Variants in FOXP1 observed in about 807,000 individuals in gnomAD.
FOXP1 encodes forkhead box protein P1.
A neutral mutation model predicts 98.2 loss-of-function variants in FOXP1; 15 were observed. The observed-to-expected ratio is 0.15, with a 90% CI of 0.10 to 0.24. FOXP1 has a LOEUF of 0.24. Among genes scored for constraint, FOXP1 ranks in the 10% least tolerant of loss-of-function variants. The pLI is 1.00. For synonymous variants in FOXP1, 371 were observed against 314.5 expected (o/e 1.18, Z -1.90); for missense variants, 633 against 848.5 (o/e 0.75, Z 3.15).
intron 7 of FOXP1, among the ~76,000 whole-genome samples, chr3:71,099,873 G>C (rs764523438): frequency 1.3e-5 from 2 of 152,144 alleles, no homozygotes; most frequent in Non-Finnish European, 2.9e-5. Context: ...TGGCTTTAAA[G>C]GACAAATCAC....
Position 71,576,764 on chromosome 3 carries a change from C to T in FOXP1, c.-298+4785G>A, listed in dbSNP as rs550221375. On this transcript the variant is annotated intron_variant, in intron 2 of 20. Coordinates refer to ENST00000649528, the MANE Select transcript of FOXP1 (RefSeq NM_001349338.3). ...TCATGGCACTAAACTGAGCCCCCCT[C>T]CCCTCCTTTTGAAATAAAACAGCTT... 1.3e-4 allele frequency among the ~76,000 whole-genome samples: 20 copies of T among 152,268 alleles called. No homozygotes were observed. In the South Asian group the frequency reaches 3.3e-3, roughly 25 times the overall value.
At chr3:71,186,978 A>C (rs1007684460) in intron 6 of FOXP1, among the ~76,000 whole-genome samples, 6 of 152,232 alleles carry the variant, frequency 3.9e-5, no homozygotes. Context: ...GCATGAACGC[A>C]GTTATAGGCA....
intron 3 of FOXP1, among the ~76,000 whole-genome samples, chr3:71,380,563 G>A (rs552220163): frequency 2.6e-5 from 4 of 152,268 alleles, no homozygotes; most frequent in Admixed American, 6.5e-5. Flanking sequence ...CATTGAGCAC[G>A]AAACATTTTC....
chr3:71,354,894 A>C (rs574181256), intron 4 of FOXP1, among the ~76,000 whole-genome samples: 2 of 152,326 alleles, frequency 1.3e-5, no homozygotes, highest in South Asian at 4.1e-4. Context: ...AGAGAAAATA[A>C]TTTGTCCAAA....
At chr3:71,232,871 CTG>C (rs1269857554) in intron 5 of FOXP1, among the ~76,000 whole-genome samples, 1 of 10,124 alleles carries the variant, frequency 9.9e-5, no homozygotes, top group East Asian at 8.9e-3. Flanking sequence ...GAGCAAAACT[CTG>C]TCTCAAAAAA....
intron 3 of FOXP1, among the ~76,000 whole-genome samples, chr3:71,371,843 T>C (rs1366321809): frequency 6.6e-6 from 1 of 151,980 alleles, no homozygotes; most frequent in East Asian, 1.9e-4. Context: ...CACACCATCC[T>C]CACTCCCTAC....
chr3:71,157,734 T>C (rs935721077), intron 6 of FOXP1, among the ~76,000 whole-genome samples: 1 of 152,140 alleles, frequency 6.6e-6, no homozygotes, highest in East Asian at 1.9e-4. Flanking sequence ...AGGCTAGTGA[T>C]ACAAAGTTGG....
rs150615993 is a variant in FOXP1, at chr3:71,411,165, C to T, written c.-167-51921G>A. 7.9e-5 allele frequency among the ~76,000 whole-genome samples: 12 copies of T among 152,244 alleles called. No individual in the cohort carries two copies. The East Asian group carries it at 1.4e-3, about 17-fold the overall frequency. ...CTTTGACATCACACAATATATAGGA[C>T]GTCTACAAATTTGTAACCCCTAGCT... On this transcript the variant is annotated intron_variant, in intron 3 of 20. Coordinates refer to ENST00000649528, the MANE Select transcript of FOXP1 (RefSeq NM_001349338.3).
At chr3:71,314,506 G>T (rs1411486304) in intron 4 of FOXP1, among the ~76,000 whole-genome samples, 1 of 148,366 alleles carries the variant, frequency 6.7e-6, no homozygotes, top group Non-Finnish European at 1.5e-5. Context: ...CCAGCCTGGT[G>T]ACAGAGTAAG....
intron 5 of FOXP1, among the ~76,000 whole-genome samples, chr3:71,267,124 A>AGAGAGTGTGT (rs142661368): frequency 1.4e-3 from 209 of 148,410 alleles, no homozygotes; most frequent in African/African-American, 3.6e-3. Context: ...TATGGGAGAG[A>AGAGAGTGTGT]GTGTGTGTGT....
intron 5 of FOXP1, among the ~76,000 whole-genome samples, chr3:71,265,743 C>T (rs568569067): frequency 1.6e-4 from 24 of 152,250 alleles, no homozygotes; most frequent in Admixed American, 1.2e-3. Flanking sequence ...GCACATGACG[C>T]GCTGGACCGA....
rs565668670 is a variant in FOXP1, at chr3:71,108,867, G to GT, written c.282+3668dup. Among the ~76,000 whole-genome samples, 255 of 152,326 alleles carry GT rather than the reference G, an allele frequency of 1.7e-3. 1 individual carries two copies. The highest frequency in any genetic ancestry group is 5.8e-3 in the African/African-American group (240 of 41,586). On this transcript the variant is annotated intron_variant, in intron 7 of 20. Coordinates refer to ENST00000649528, the MANE Select transcript of FOXP1 (RefSeq NM_001349338.3). The stretch of plus-strand genomic sequence containing the variant: ...CATAAGCCTCCTGAAGGCAGGGTGT[G>GT]TATCTTCAACAGTTCTGTATCCCAT...
At chr3:71,096,607 T>A (rs941731155) in intron 7 of FOXP1, among the ~76,000 whole-genome samples, 1 of 152,126 alleles carries the variant, frequency 6.6e-6, no homozygotes, top group African/African-American at 2.4e-5. Context: ...GAGGGCTCCA[T>A]GTTGAAGCAG....
intron 5 of FOXP1, among the ~76,000 whole-genome samples, chr3:71,245,795 T>A: frequency 6.6e-6 from 1 of 151,330 alleles, no homozygotes; most frequent in Non-Finnish European, 1.5e-5. Context: ...CCTCCTCCAA[T>A]CACCACCCCC....
intron 7 of FOXP1, among the ~76,000 whole-genome samples, chr3:71,099,356 T>A (rs986246712): frequency 6.6e-6 from 1 of 151,922 alleles, no homozygotes; most frequent in East Asian, 1.9e-4. Flanking sequence ...ACTAAAAATA[T>A]AAAAAATTGG....
chr3:71,018,973 A>G (rs1197622638), intron 11 of FOXP1, among the ~76,000 whole-genome samples: 1 of 152,212 alleles, frequency 6.6e-6, no homozygotes, highest in African/African-American at 2.4e-5. Flanking sequence ...CAGTGGCACA[A>G]TGAATACCAC....
At chr3:71,228,200 C>T (rs982634972) in intron 5 of FOXP1, among the ~76,000 whole-genome samples, 6 of 152,168 alleles carry the variant, frequency 3.9e-5, no homozygotes, top group African/African-American at 1.4e-4. Flanking sequence ...AGTTCTAGGT[C>T]ACTGGGATGC....
chr3:71,373,191 T>C (rs940139015), intron 3 of FOXP1, among the ~76,000 whole-genome samples: 6 of 152,340 alleles, frequency 3.9e-5, no homozygotes, highest in East Asian at 1.9e-4. Flanking sequence ...ACCCATATTA[T>C]GTCATTGTGT....
chr3:71,520,371 C>T (rs1006263018), intron 2 of FOXP1, among the ~76,000 whole-genome samples: 6 of 152,148 alleles, frequency 3.9e-5, no homozygotes, highest in African/African-American at 1.4e-4. Flanking sequence ...ACTGGCTGAC[C>T]CCTTTAAATG....
Sources: allele counts gnomAD v4.1 joint callset (sites outside exome capture counted in the v4.1 genomes callset), GRCh38; gene constraint gnomAD v4.1.1; transcripts MANE v1.5; gene names NCBI Gene and HGNC (gene_info 2026-07-23, HGNC 2026-07-21).